TGFBR2: variants seen among roughly 807,000 people sequenced by gnomAD.
TGFBR2 encodes TGF-beta receptor type-2.
TGFBR2 carries 18 observed loss-of-function variants against 49.0 expected under a neutral mutation model. The ratio of observed to expected loss-of-function variants is 0.37; its 90% confidence interval spans 0.25 to 0.54. TGFBR2 has a LOEUF of 0.54. Among genes scored for constraint, TGFBR2 ranks in the 20% least tolerant of loss-of-function variants. The pLI is 0.85. For missense variants in TGFBR2, 525 were observed against 722.6 expected (o/e 0.73, Z 3.13); for synonymous variants, 282 against 275.9 (o/e 1.02, Z -0.22).
chr3:30,630,970 G>T (rs1698425977), intron 1 of TGFBR2, among the ~76,000 whole-genome samples: 1 of 149,736 alleles, frequency 6.7e-6, no homozygotes, highest in Non-Finnish European at 1.5e-5. Flanking sequence ...CACATATTTT[G>T]TATGGCAGCC....
chr3:30,613,117 C>T (rs1698059842), intron 1 of TGFBR2, among the ~76,000 whole-genome samples: 1 of 147,706 alleles, frequency 6.8e-6, no homozygotes, highest in Admixed American at 6.8e-5. Context: ...TGGGAAAGGT[C>T]AAGACATGCA....
chr3:30,646,875 C>T (rs964431947), intron 2 of TGFBR2, among the ~76,000 whole-genome samples: 38 of 152,138 alleles, frequency 2.5e-4, no homozygotes, highest in African/African-American at 8.9e-4. Context: ...AATCAAGTCT[C>T]TCTAGAATAG....
chr3:30,664,571 A>G (rs536810434), intron 3 of TGFBR2, among the ~76,000 whole-genome samples: 25 of 152,394 alleles, frequency 1.6e-4, no homozygotes, highest in Admixed American at 1.6e-3. Context: ...ACTGGCAGAA[A>G]ACCTCAAGGG....
intron 3 of TGFBR2, among the ~76,000 whole-genome samples, chr3:30,665,683 A>G (rs1303970633): frequency 1.3e-5 from 2 of 152,126 alleles, no homozygotes; most frequent in South Asian, 2.1e-4. Flanking sequence ...AAACCCATCA[A>G]TCTCAAAATT....
In TGFBR2 at chr3:30,692,087, C is replaced by T. The variant is rs1699720876; in HGVS notation, c.*488C>T. 4.5e-6 allele frequency: 1 copy of T among 224,644 alleles called. No individual in the cohort carries two copies. Among genetic ancestry groups the T allele is most frequent in the African/African-American group, 2.2e-5 (1 of 44,778 alleles). 13.9% of individuals were successfully genotyped at this position (224,644 alleles called of 1,614,324 possible). A position where few individuals can be genotyped will look rare whatever the true frequency, so the allele number is the denominator to read the frequency against. On this transcript the variant is annotated 3_prime_UTR_variant, in exon 7 of 7. Coordinates refer to ENST00000295754, the MANE Select transcript of TGFBR2 (RefSeq NM_003242.6). ...CATTAGCATTTGACAATCACACATG[C>T]AGTGGTTCTCTGACTGTAAAACAGT...
rs546021693 is a variant in TGFBR2, at chr3:30,631,764, G to C, written c.95-12983G>C. ...TTTGTGTCATTTTTCAAAATGAAAG[G>C]GACCTTTAAGTTCATCATGTCCAAC... On this transcript the variant is annotated intron_variant, in intron 1 of 6. Transcript: ENST00000295754. 1.6e-4 allele frequency among the ~76,000 whole-genome samples: 25 copies of C among 151,700 alleles called. No homozygotes were observed. In the South Asian group the frequency reaches 3.3e-3, roughly 20 times the overall value.
chr3:30,623,459 A>G (rs551060253), intron 1 of TGFBR2, among the ~76,000 whole-genome samples: 1 of 152,370 alleles, frequency 6.6e-6, no homozygotes, highest in South Asian at 2.1e-4. Flanking sequence ...TGCCTCGAAC[A>G]TTAAAAGCCC....
chr3:30,678,942 A>C (rs1022531367), intron 5 of TGFBR2, among the ~76,000 whole-genome samples: 2 of 152,340 alleles, frequency 1.3e-5, no homozygotes. Context: ...GGATACAAGG[A>C]TTAGGGACAG....
chr3:30,648,085 C>G (rs571090797), intron 2 of TGFBR2, among the ~76,000 whole-genome samples: 1 of 152,288 alleles, frequency 6.6e-6, no homozygotes, highest in Admixed American at 6.5e-5. Context: ...GTATTTACTT[C>G]TTTGTATTTA....
chr3:30,691,736 A>G lies in TGFBR2; in HGVS notation c.*137A>G. On this transcript the variant is annotated 3_prime_UTR_variant, in exon 7 of 7. Coordinates refer to ENST00000295754, the MANE Select transcript of TGFBR2 (RefSeq NM_003242.6). The stretch of plus-strand genomic sequence containing the variant: ...ACTCCCCTCCCTGTAAGCTGTGGGG[A>G]TAAGCAGAAACAACAGCAGCAGGGA... 1 of 927,626 alleles carries G rather than the reference A, an allele frequency of 1.1e-6. No homozygotes were observed. The highest frequency in any genetic ancestry group is 1.7e-6 in the Non-Finnish European group (1 of 580,820). The allele number at this position is 927,626 out of a possible 1,614,324, so 57.5% of individuals were successfully genotyped here.
intron 1 of TGFBR2, among the ~76,000 whole-genome samples, chr3:30,644,195 C>T (rs549511240): frequency 3.9e-5 from 6 of 152,194 alleles, no homozygotes; most frequent in South Asian, 4.2e-4. Flanking sequence ...AGGAAAATGG[C>T]GGCAAAATCT....
chr3:30,680,005 A>G (rs1699511505), intron 5 of TGFBR2, among the ~76,000 whole-genome samples: 1 of 152,226 alleles, frequency 6.6e-6, no homozygotes, highest in African/African-American at 2.4e-5. Context: ...GGGTGCCTGT[A>G]ATCGCAGCTA....
chr3:30,635,918 C>T (rs1477330500), intron 1 of TGFBR2, among the ~76,000 whole-genome samples: 4 of 152,116 alleles, frequency 2.6e-5, no homozygotes, highest in Non-Finnish European at 5.9e-5. Flanking sequence ...CACACACTTC[C>T]CGTATCAGCT....
chr3:30,670,146 G>C (rs1699313828), intron 3 of TGFBR2, among the ~76,000 whole-genome samples: 3 of 152,000 alleles, frequency 2.0e-5, no homozygotes, highest in Non-Finnish European at 4.4e-5. Flanking sequence ...TCCTTAAGTA[G>C]ATCATATATT....
At chr3:30,635,098 T>C (rs2125395635) in intron 1 of TGFBR2, among the ~76,000 whole-genome samples, 1 of 152,348 alleles carries the variant, frequency 6.6e-6, no homozygotes, top group Middle Eastern at 3.4e-3. Flanking sequence ...ATAAACTGCT[T>C]GCTTCTCCCC....
At chr3:30,619,364 C>G (rs978599690) in intron 1 of TGFBR2, among the ~76,000 whole-genome samples, 1 of 152,202 alleles carries the variant, frequency 6.6e-6, no homozygotes, top group African/African-American at 2.4e-5. Context: ...AATCTCCCCC[C>G]AGATGGCATT....
Position 30,623,237 on chromosome 3 carries a change from C to A in TGFBR2, c.94+16260C>A, listed in dbSNP as rs113474008. 1.7e-5 allele frequency: 27 copies of A among 1,611,576 alleles called. No individual in the cohort carries two copies. Among genetic ancestry groups the A allele is most frequent in the African/African-American group, 2.7e-5 (2 of 74,780 alleles). On this transcript the variant is annotated intron_variant, in intron 1 of 6. Transcript: ENST00000295754. ...GGCCCAGAAAGATGAAATCATCTGC[C>A]CCAGCTGTAATAGGACTGCCCATCC...
chr3:30,680,129 G>GC lies in TGFBR2; in HGVS notation c.1396+5889dup, dbSNP rs199498232. ...GACAGAGCGAGACTCCATCCCCCCC[G>GC]CCCCCCAAAAAAAATAGTAGCTATG... is the stretch of plus-strand genomic sequence containing the variant. On this transcript the variant is annotated intron_variant, in intron 5 of 6. Coordinates refer to ENST00000295754, the MANE Select transcript of TGFBR2 (RefSeq NM_003242.6). 6.3e-3 allele frequency among the ~76,000 whole-genome samples: 847 copies of GC among 134,602 alleles called. 12 individuals carry two copies. The highest frequency in any genetic ancestry group is 0.021 in the African/African-American group (773 of 36,712). The allele number at this position is 134,602 out of a possible 152,430, so 88.3% of individuals were successfully genotyped here.
intron 3 of TGFBR2, among the ~76,000 whole-genome samples, chr3:30,652,408 T>C (rs1379274874): frequency 1.3e-5 from 2 of 152,012 alleles, no homozygotes; most frequent in African/African-American, 2.4e-5. Flanking sequence ...CTAATCTTTG[T>C]ATTTTTAGTA....
Sources: gnomAD v4.1 joint callset for allele counts (sites outside exome capture counted in the v4.1 genomes callset) on GRCh38, gnomAD v4.1.1 for gene constraint, MANE v1.5 for transcripts, NCBI Gene and HGNC (gene_info 2026-07-23, HGNC 2026-07-21) for gene names.